The following SLC17A1 variants were observed in gnomAD, a reference collection of about 807,000 sequenced individuals.
SLC17A1 encodes solute carrier family 17 member 1, also known as sodium-dependent phosphate transport protein 1.
Under a neutral mutation model 53.5 loss-of-function variants are expected in SLC17A1, and 51 were observed. The observed-to-expected ratio is 0.95, with a 90% CI of 0.76 to 1.20. The LOEUF is 1.20. Among genes scored for constraint, SLC17A1 ranks in the 50% most tolerant of loss-of-function variants. The probability of loss-of-function intolerance (pLI) is 0.00; values close to 1 mark genes in which losing one functional copy is unlikely to be tolerated. For missense variants in SLC17A1, 538 were observed against 568.2 expected (o/e 0.95, Z 0.54); for synonymous variants, 179 against 198.8 (o/e 0.90, Z 0.84).
the SLC17A1 span, among the ~76,000 whole-genome samples, chr6:25,751,130 G>A: frequency 9.2e-5 from 14 of 152,284 alleles, no homozygotes; most frequent in East Asian, 2.1e-3. Flanking sequence ...GGGTGTGCAT[G>A]GGTGTGTAGG....
chr6:25,727,198 A>G, the SLC17A1 span: 5 of 1,614,078 alleles, frequency 3.1e-6, no homozygotes, highest in Non-Finnish European at 3.4e-6. Flanking sequence ...AGAGAGATTC[A>G]GACAGCAGTG....
the SLC17A1 span, among the ~76,000 whole-genome samples, chr6:25,735,882 T>C: frequency 2.0e-5 from 3 of 152,192 alleles, no homozygotes; most frequent in African/African-American, 4.8e-5. Flanking sequence ...TGGGGTACCA[T>C]GATTGGTTCA....
At chr6:25,797,982 ACTT>A in intron 12 of SLC17A1, among the ~76,000 whole-genome samples, 1 of 152,272 alleles carries the variant, frequency 6.6e-6, no homozygotes, top group Admixed American at 6.5e-5. Context: ...TGTTTTCTGT[ACTT>A]CTTCCAAAGC....
At chr6:25,731,918 C>T in the SLC17A1 span, 37 of 1,602,024 alleles carry the variant, frequency 2.3e-5, 1 homozygote, top group South Asian at 4.0e-4. Flanking sequence ...TGTCATAATG[C>T]GCCAGGCGGG....
chr6:25,809,316 C>T (rs1309305129), intron 10 of SLC17A1, among the ~76,000 whole-genome samples: 1 of 151,904 alleles, frequency 6.6e-6, no homozygotes, highest in Non-Finnish European at 1.5e-5. Context: ...GTAATGGTTA[C>T]CCTAAAAACC....
At chr6:25,775,439 T>A in the SLC17A1 span, among the ~76,000 whole-genome samples, 5 of 152,172 alleles carry the variant, frequency 3.3e-5, no homozygotes, top group East Asian at 3.9e-4. Context: ...TTTTTTCTTT[T>A]TCTTTCTTTC....
At chr6:25,731,725 CA>C in the SLC17A1 span, 1 of 1,214,950 alleles carries the variant, frequency 8.2e-7, no homozygotes. Flanking sequence ...TAGAAACTTT[CA>C]TTGGCTCTTA....
At chr6:25,736,025 A>G in the SLC17A1 span, among the ~76,000 whole-genome samples, 1 of 149,008 alleles carries the variant, frequency 6.7e-6, no homozygotes, top group East Asian at 2.1e-4. Flanking sequence ...CAGAGCTGCC[A>G]GTGGCTGAAT....
chr6:25,774,306 G>A, the SLC17A1 span, among the ~76,000 whole-genome samples: 1 of 152,182 alleles, frequency 6.6e-6, no homozygotes, highest in African/African-American at 2.4e-5. Context: ...CCTGCTGGAT[G>A]GATGTCTTAA....
chr6:25,779,136 G>A (rs1163840569), downstream of SLC17A1: 1 of 1,613,804 alleles, frequency 6.2e-7, no homozygotes, highest in South Asian at 1.1e-5. Flanking sequence ...CTCATCTTTG[G>A]CCGAGCAGAT....
chr6:25,753,144 G>A, the SLC17A1 span, among the ~76,000 whole-genome samples: 1 of 152,284 alleles, frequency 6.6e-6, no homozygotes, highest in Admixed American at 6.5e-5. Context: ...CTATTTTCAA[G>A]TGTTTTACTT....
At chr6:25,730,665 A>AT in the SLC17A1 span, among the ~76,000 whole-genome samples, 1 of 152,226 alleles carries the variant, frequency 6.6e-6, no homozygotes, top group Non-Finnish European at 1.5e-5. Context: ...ATGTGGGGTA[A>AT]TGCATATGTT....
At chr6:25,731,735 TAA>T in the SLC17A1 span, 1 of 1,335,014 alleles carries the variant, frequency 7.5e-7, no homozygotes, top group South Asian at 1.4e-5. Context: ...CATTGGCTCT[TAA>T]AAGAGCCTTT....
the SLC17A1 span, chr6:25,776,836 T>C: frequency 6.2e-7 from 1 of 1,614,032 alleles, no homozygotes; most frequent in South Asian, 1.1e-5. Context: ...TCCGTGATCC[T>C]CGTGTCCCTG....
At chr6:25,727,446 C>T in the SLC17A1 span, among the ~76,000 whole-genome samples, 1 of 148,104 alleles carries the variant, frequency 6.8e-6, no homozygotes, top group African/African-American at 2.5e-5. Flanking sequence ...GGCTGGAGTG[C>T]AGTGGCGGAA....
rs1191914796 is a variant in SLC17A1 at position 25,813,011 on chromosome 6, A to T, written c.736-19T>A. 1 of 1,613,584 alleles carries T rather than the reference A, an allele frequency of 6.2e-7. No homozygotes were observed. The highest frequency in any genetic ancestry group is 8.5e-7 in the Non-Finnish European group (1 of 1,179,770). On this transcript the variant is annotated intron_variant, in intron 7 of 12. Transcript: ENST00000244527. Reference sequence around the variant, plus strand: ...AACTGACCTGGAGAGAAATTCATTAAGAATTAGCACATTAGAACAAACTGG... The same window carrying T: ...AACTGACCTGGAGAGAAATTCATTATGAATTAGCACATTAGAACAAACTGG...
chr6:25,786,005 A>G (rs561748560), intron 12 of SLC17A1, among the ~76,000 whole-genome samples: 2 of 152,360 alleles, frequency 1.3e-5, no homozygotes, highest in African/African-American at 4.8e-5. Context: ...ATATCTTCAC[A>G]TAAAAACTTG....
the SLC17A1 span, chr6:25,773,778 T>A: frequency 7.9e-7 from 1 of 1,259,712 alleles, no homozygotes; most frequent in Non-Finnish European, 1.1e-6. Context: ...ATCGGGGGAT[T>A]AGGACCAGGC....
chr6:25,798,976 T>C, intron 11 of SLC17A1, 57 bp from the exon 12 acceptor site: 1 of 1,495,910 alleles, frequency 6.7e-7, no homozygotes, highest in South Asian at 1.4e-5. Flanking sequence ...TTTTGTTTTG[T>C]AATGTTTAAA....
Sources: allele counts gnomAD v4.1 joint callset (sites outside exome capture counted in the v4.1 genomes callset), GRCh38; gene constraint gnomAD v4.1.1; transcripts MANE v1.5; gene names NCBI Gene and HGNC (gene_info 2026-07-23, HGNC 2026-07-21).